Variants in CCZ1 observed in about 807,000 individuals in gnomAD.
The protein encoded by CCZ1 is CCZ1 vacuolar protein trafficking and biogenesis associated, also known as vacuolar fusion protein CCZ1 homolog.
In CCZ1, 19 loss-of-function variants were observed where a neutral mutation model predicts 57.8. The ratio of observed to expected loss-of-function variants is 0.33; its 90% confidence interval spans 0.23 to 0.48. The LOEUF is 0.48. CCZ1 is among the 20% of genes least tolerant of loss of function. The pLI is 0.99. For synonymous variants in CCZ1, 81 were observed against 167.0 expected (o/e 0.49, Z 3.97); for missense variants, 200 against 492.0 (o/e 0.41, Z 5.61).
At chr7:5,906,857 G>A (rs1372023270) in intron 7 of CCZ1, among the ~76,000 whole-genome samples, 5 of 149,852 alleles carry the variant, frequency 3.3e-5, no homozygotes, top group Admixed American at 3.3e-4. Flanking sequence ...AATTTCGGGT[G>A]AAACCCATCT....
intron 8 of CCZ1, 120 bp downstream of exon 8, chr7:5,910,236 G>A (rs1781938551): frequency 1.5e-5 from 13 of 892,306 alleles, no homozygotes; most frequent in Non-Finnish European, 2.1e-5. Flanking sequence ...TTGTCTTACT[G>A]TGATATTTGT....
At chr7:5,902,434 T>C in intron 5 of CCZ1, 1 of 685,136 alleles carries the variant, frequency 1.5e-6, no homozygotes, top group Non-Finnish European at 2.0e-6. Context: ...TTTTGAAAGA[T>C]GCCTAGAGCA....
At chr7:5,910,718 A>T (rs1238792227) in intron 8 of CCZ1, among the ~76,000 whole-genome samples, 1 of 79,550 alleles carries the variant, frequency 1.3e-5, no homozygotes, top group Non-Finnish European at 2.6e-5. Flanking sequence ...TTATTTATTT[A>T]TTTATTTATT....
rs1287284406 is a variant in CCZ1 at position 5,906,330 on chromosome 7, T to C, written c.698+1061T>C. On this transcript the variant is annotated intron_variant, in intron 7 of 14. Transcript: ENST00000325974. ...AGCCCACTTTCTTTCTTTCTTTTTTTTTTTTTTTTTTGAGACGGAGTCTCA... is the reference window on the plus strand; with the variant it reads ...AGCCCACTTTCTTTCTTTCTTTTTTCTTTTTTTTTTTGAGACGGAGTCTCA... 3.8e-4 allele frequency among the ~76,000 whole-genome samples: 55 copies of C among 144,132 alleles called. 2 individuals are homozygous for C. Among genetic ancestry groups the C allele is most frequent in the African/African-American group, 1.4e-3 (54 of 38,732 alleles). The allele number at this position is 144,132 out of a possible 152,430, so 94.6% of individuals were successfully genotyped here. A position where few individuals can be genotyped will look rare whatever the true frequency, so the allele number is the denominator to read the frequency against.
At chr7:5,899,334 G>GTGTGTGTGTGT (rs1562536429) in intron 1 of CCZ1, among the ~76,000 whole-genome samples, 13 of 12,554 alleles carry the variant, frequency 1.0e-3, no homozygotes, top group East Asian at 3.0e-3. Flanking sequence ...TCGGGAGGGG[G>GTGTGTGTGTGT]GTGTGTGTGT....
rs373474998 is a variant in CCZ1, at chr7:5,906,318, TC to T, written c.698+1050del. 3.2e-4 allele frequency among the ~76,000 whole-genome samples: 37 copies of T among 116,292 alleles called. 2 individuals carry two copies. Among genetic ancestry groups the T allele is most frequent in the African/African-American group, 1.2e-3 (34 of 27,988 alleles). The allele number at this position is 116,292 out of a possible 152,430, so 76.3% of individuals were successfully genotyped here. A position where few individuals can be genotyped will look rare whatever the true frequency, so the allele number is the denominator to read the frequency against. ...CCCGTTGACTAGAGCCCACTTTCTT[TC>T]TTTCTTTTTTTTTTTTTTTTTTGAG... On this transcript the variant is annotated intron_variant, in intron 7 of 14. Coordinates refer to ENST00000325974, the MANE Select transcript of CCZ1 (RefSeq NM_015622.6).
At chr7:5,916,590 T>C (rs1218447018) in intron 10 of CCZ1, among the ~76,000 whole-genome samples, 18 of 145,736 alleles carry the variant, frequency 1.2e-4, no homozygotes, top group African/African-American at 2.7e-5. Flanking sequence ...GTTGGGGTCA[T>C]GTGGACAGCC....
At chr7:5,909,954 T>A in intron 7 of CCZ1, 81 bp from the exon 8 acceptor site, 2 of 1,251,602 alleles carry the variant, frequency 1.6e-6, no homozygotes, top group Non-Finnish European at 2.2e-6. Context: ...AAAAAATTTT[T>A]GTTTAATGAG....
Position 5,921,119 on chromosome 7 carries a change from C to G in CCZ1, c.1106+1153C>G, listed in dbSNP as rs549378164. Among the ~76,000 whole-genome samples, 656 of 107,628 alleles carry G rather than the reference C, an allele frequency of 6.1e-3. 75 individuals are homozygous for G. The highest frequency in any genetic ancestry group is 0.027 in the African/African-American group (634 of 23,378). 70.6% of individuals were successfully genotyped at this position (107,628 alleles called of 152,430 possible). ...CATGCCTGGCTAATTTTTGTAGAGA[C>G]TGGGTTTTACCATGTTGGTCAGACT... On this transcript the variant is annotated intron_variant, in intron 12 of 14. Coordinates refer to ENST00000325974, the MANE Select transcript of CCZ1 (RefSeq NM_015622.6).
At position 5,926,529 on chromosome 7, in the gene CCZ1, T is replaced by C; in HGVS notation, c.*842T>C. On this transcript the variant is annotated 3_prime_UTR_variant, in exon 15 of 15. Transcript: ENST00000325974. Reference sequence around the variant, plus strand: ...TCATGTCTCTTGGCCTCTTCCTCTCTCAAGATGAAGATGTTCAGCCTAAAA... The same window carrying C: ...TCATGTCTCTTGGCCTCTTCCTCTCCCAAGATGAAGATGTTCAGCCTAAAA... The C allele has an allele frequency of 6.2e-7, 1 of 1,605,584 alleles. No individual in the cohort carries two copies. The highest frequency in any genetic ancestry group is 1.1e-5 in the South Asian group (1 of 90,974).
intron 14 of CCZ1, 68 bp downstream of exon 14, chr7:5,924,030 T>TA (rs1779303131): frequency 3.8e-6 from 3 of 799,728 alleles, no homozygotes; most frequent in South Asian, 2.8e-5. Flanking sequence ...GAAACATGGT[T>TA]AAAAAATAGG....
chr7:5,910,582 T>TC (rs957196887), intron 8 of CCZ1, among the ~76,000 whole-genome samples: 1 of 144,384 alleles, frequency 6.9e-6, no homozygotes, highest in Non-Finnish European at 1.5e-5. Flanking sequence ...CACCTTGGCC[T>TC]CCCAAAGTGC....
At position 5,910,617 on chromosome 7, in the gene CCZ1, C is replaced by T. The variant is rs570427378; in HGVS notation, c.780+501C>T. Among the ~76,000 whole-genome samples the T allele has an allele frequency of 4.2e-5, 6 of 144,418 alleles. 1 individual carries two copies. The East Asian group carries it at 1.1e-3, about 28-fold the overall frequency. The allele number at this position is 144,418 out of a possible 152,430, so 94.7% of individuals were successfully genotyped here. On this transcript the variant is annotated intron_variant, in intron 8 of 14. Transcript: ENST00000325974. ...CTGGGATTACAGGCGTGAGCCACCG[C>T]CCCCAGTCCACAAGCATGTTTTTAA...
Position 5,911,037 on chromosome 7 carries a change from A to G in CCZ1, c.781-824A>G, listed in dbSNP as rs1198625410. The stretch of plus-strand genomic sequence containing the variant: ...AGGCGTGAGCTACTGCTCCTGGCCA[A>G]AAAATTGGATTTTAGATCGGGTTCT... On this transcript the variant is annotated intron_variant, in intron 8 of 14. Transcript: ENST00000325974. Among the ~76,000 whole-genome samples, 8 of 148,940 alleles carry G rather than the reference A, an allele frequency of 5.4e-5. 1 individual carries two copies. Among genetic ancestry groups the G allele is most frequent in the African/African-American group, 1.7e-4 (7 of 40,192 alleles).
intron 4 of CCZ1, 70 bp downstream of exon 4, chr7:5,901,002 T>G: frequency 1.1e-6 from 1 of 904,980 alleles, no homozygotes; most frequent in Non-Finnish European, 1.5e-6. Flanking sequence ...AATGCCTTAC[T>G]TGGTCGGATT....
rs1396754951 is a variant in CCZ1 at position 5,906,529 on chromosome 7, G to C, written c.698+1260G>C. 1.4e-5 allele frequency among the ~76,000 whole-genome samples: 2 copies of C among 147,998 alleles called. 1 individual carries two copies. Among genetic ancestry groups the C allele is most frequent in the East Asian group, 4.6e-4 (2 of 4,366 alleles). The stretch of plus-strand genomic sequence containing the variant: ...GTACAGACAAGGTTTTACCATGTTG[G>C]CCAGGCTGGTCCTAAACCCCTGACC... On this transcript the variant is annotated intron_variant, in intron 7 of 14. Transcript: ENST00000325974.
At chr7:5,912,046 C>A in intron 9 of CCZ1, 124 bp downstream of exon 9, 1 of 1,580,556 alleles carries the variant, frequency 6.3e-7, no homozygotes, top group Admixed American at 1.9e-5. Flanking sequence ...CTCCGCCTCC[C>A]CGGGCTCAAG....
chr7:5,906,625 G>A (rs889974626), intron 7 of CCZ1, among the ~76,000 whole-genome samples: 1 of 148,554 alleles, frequency 6.7e-6, no homozygotes, highest in Non-Finnish European at 1.5e-5. Flanking sequence ...ACCTGGCCTA[G>A]CCCAGTTTCT....
intron 9 of CCZ1, 119 bp from the exon 10 acceptor site, chr7:5,912,724 C>T: frequency 8.3e-7 from 1 of 1,207,152 alleles, no homozygotes; most frequent in Non-Finnish European, 1.2e-6. Context: ...TGGTGTTTGC[C>T]AAATAGCACC....
Sources: allele counts gnomAD v4.1 joint callset (sites outside exome capture counted in the v4.1 genomes callset), GRCh38; gene constraint gnomAD v4.1.1; transcripts MANE v1.5; gene names NCBI Gene and HGNC (gene_info 2026-07-23, HGNC 2026-07-21).